ARID3A: variants seen among roughly 807,000 people sequenced by gnomAD.
ARID3A encodes the protein AT-rich interactive domain-containing protein 3A.
A neutral mutation model predicts 52.7 loss-of-function variants in ARID3A; 11 were observed. The observed-to-expected ratio is 0.21, with a 90% CI of 0.13 to 0.35. ARID3A has a LOEUF of 0.35. Ranked by LOEUF, ARID3A falls within the 10% of genes least tolerant of loss-of-function variation. The probability of loss-of-function intolerance (pLI) is 1.00; values close to 1 mark genes in which losing one functional copy is unlikely to be tolerated. For synonymous variants in ARID3A, 404 were observed against 359.4 expected (o/e 1.12, Z -1.40); for missense variants, 721 against 838.5 (o/e 0.86, Z 1.73).
intron 6 of ARID3A, among the ~76,000 whole-genome samples, chr19:966,075 C>T (rs2038144466): frequency 6.6e-6 from 1 of 151,356 alleles, no homozygotes; most frequent in African/African-American, 2.4e-5. Flanking sequence ...GCAGAAGAAT[C>T]ACCTGAGCCT....
intron 3 of ARID3A, among the ~76,000 whole-genome samples, chr19:945,934 C>T (rs529759625): frequency 3.3e-5 from 5 of 152,302 alleles, no homozygotes; most frequent in East Asian, 3.9e-4. Flanking sequence ...TTTCTGGGAC[C>T]GTCCAGGTCC....
chr19:934,452 C>T (rs959608932), intron 3 of ARID3A, among the ~76,000 whole-genome samples: 4 of 152,208 alleles, frequency 2.6e-5, no homozygotes, highest in South Asian at 2.1e-4. Context: ...TGGGCGACAC[C>T]GCGGGTCAGG....
At chr19:967,017 G>A (rs991810181) in intron 7 of ARID3A, 149 bp downstream of exon 7, 13 of 981,884 alleles carry the variant, frequency 1.3e-5, no homozygotes, top group Non-Finnish European at 1.1e-5. Flanking sequence ...CAGCACTTTG[G>A]GAGACCGAGG....
At chr19:928,526 G>A (rs1009345345) in intron 1 of ARID3A, 1 of 152,114 alleles carries the variant, frequency 6.6e-6, no homozygotes, top group African/African-American at 2.4e-5. Context: ...AGGCTCTGTG[G>A]TCACCCAGAC....
At position 966,772 on chromosome 19, in the gene ARID3A, G is replaced by A. The variant is rs772160745; in HGVS notation, c.1399G>A (p.Ala467Thr). 26 of 1,613,564 alleles carry A rather than the reference G, an allele frequency of 1.6e-5. No homozygotes were observed. Among genetic ancestry groups the A allele is most frequent in the Non-Finnish European group, 2.1e-5 (25 of 1,180,004 alleles). The change falls in exon 7 of 9, where the codon GCC becomes ACC. Residue 467 changes from alanine (A) to threonine (T), a missense_variant. Ala to Thr is a moderately conservative substitution (Grantham distance 58). Transcript: ENST00000263620. The part of the protein sequence containing the change: ...EPPEKKMALV[A>T]DEQQRLMQRA... Reference sequence around the variant, plus strand: ...TCCGGAGAAGAAGATGGCCCTGGTGGCCGATGAGCAGCAACGGCTGATGCA... The same window carrying A: ...TCCGGAGAAGAAGATGGCCCTGGTGACCGATGAGCAGCAACGGCTGATGCA...
In ARID3A at chr19:959,399, G is replaced by A. The variant is rs546850945; in HGVS notation, c.694-693G>A. ...AGCAATCCTCCCACCTCAGCCTCCC[G>A]AGTAGCCGGGACTGTAGGCATGAGC... On this transcript the variant is annotated intron_variant, in intron 3 of 8. Coordinates refer to ENST00000263620, the MANE Select transcript of ARID3A (RefSeq NM_005224.3). This position sits in a 1 kb window ranked among gnomAD's most constrained non-coding sequence, Gnocchi z 5.0. Among the ~76,000 whole-genome samples the A allele has an allele frequency of 2.0e-5, 3 of 152,064 alleles. No homozygotes were observed. The highest frequency in any genetic ancestry group is 4.8e-5 in the African/African-American group (2 of 41,392).
At position 974,381 on chromosome 19, in the gene ARID3A, T is replaced by C. The variant is rs2038339900; in HGVS notation, c.*2316T>C. The C allele has an allele frequency of 8.7e-6, 2 of 229,506 alleles. No individual in the cohort carries two copies. 14.2% of individuals were successfully genotyped at this position (229,506 alleles called of 1,614,324 possible). A position where few individuals can be genotyped will look rare whatever the true frequency, so the allele number is the denominator to read the frequency against. On this transcript the variant is annotated 3_prime_UTR_variant, in exon 9 of 9. Coordinates refer to ENST00000263620, the MANE Select transcript of ARID3A (RefSeq NM_005224.3). ...TCACCCCGGGAAGGGGGTGTCTGTT[T>C]GCCTCCAGACACAATCGGGCCCCAC... is the stretch of plus-strand genomic sequence containing the variant.
chr19:941,318 A>G lies in ARID3A; in HGVS notation c.693+8576A>G, dbSNP rs941420122. 4.6e-5 allele frequency among the ~76,000 whole-genome samples: 7 copies of G among 152,116 alleles called. No individual in the cohort carries two copies. Among genetic ancestry groups the G allele is most frequent in the Admixed American group, 3.3e-4 (5 of 15,282 alleles). On this transcript the variant is annotated intron_variant, in intron 3 of 8. Transcript: ENST00000263620. The surrounding 1 kb of genome is among the most constrained non-coding windows in gnomAD (Gnocchi z 6.9). ...CTCGTGGGACCCTGCCTGGGAGGGA[A>G]TCTTGCTCCAGACACAGCATCTTCG...
intron 2 of ARID3A, among the ~76,000 whole-genome samples, chr19:931,882 G>A (rs112570154): frequency 0.077 from 11,694 of 152,022 alleles, 678 homozygotes; most frequent in Non-Finnish European, 0.13. Context: ...GGGCAGTGGC[G>A]AGGGTGGGGC....
intron 3 of ARID3A, among the ~76,000 whole-genome samples, chr19:936,877 C>G (rs2037449430): frequency 6.6e-6 from 1 of 151,736 alleles, no homozygotes; most frequent in Non-Finnish European, 1.5e-5. Context: ...GACCCTTTAA[C>G]TATTATCCCC....
chr19:964,219 C>T lies in ARID3A; in HGVS notation c.767-29C>T, dbSNP rs1287290768. 1.9e-6 allele frequency: 3 copies of T among 1,589,390 alleles called. No homozygotes were observed. Among genetic ancestry groups the T allele is most frequent in the Non-Finnish European group, 2.6e-6 (3 of 1,163,786 alleles). On this transcript the variant is annotated intron_variant, in intron 4 of 8. Transcript: ENST00000263620. The surrounding 1 kb of genome is among the most constrained non-coding windows in gnomAD (Gnocchi z 5.7). ...GGCTCCCTGCAGTGCCCAGGTGGCC[C>T]CCAACCTCCCTCTCGCCCCTTCCCC...
chr19:945,160 G>A (rs964965964), intron 3 of ARID3A, among the ~76,000 whole-genome samples: 1 of 152,188 alleles, frequency 6.6e-6, no homozygotes, highest in Admixed American at 6.5e-5. Context: ...AATGCCACCT[G>A]GGGGGAGAGA....
At chr19:948,654 C>T (rs534729406) in intron 3 of ARID3A, among the ~76,000 whole-genome samples, 26 of 151,770 alleles carry the variant, frequency 1.7e-4, no homozygotes, top group African/African-American at 5.3e-4. Flanking sequence ...CTGTTCATTC[C>T]TGGCCTCTGG....
rs1211151883 is a variant in ARID3A, at chr19:974,811, T to C, written c.*2746T>C. ...CTCCCGGCGGTGGGTGGACCTGGAT[T>C]CTAACTCAGAGGACTTGAGCCTGCT... On this transcript the variant is annotated 3_prime_UTR_variant, in exon 9 of 9. Transcript: ENST00000263620. 6.1e-6 allele frequency: 1 copy of C among 162,974 alleles called. No individual in the cohort carries two copies. Among genetic ancestry groups the C allele is most frequent in the Admixed American group, 6.7e-5 (1 of 14,898 alleles). 10.1% of individuals were successfully genotyped at this position (162,974 alleles called of 1,614,324 possible). A position where few individuals can be genotyped will look rare whatever the true frequency, so the allele number is the denominator to read the frequency against.
intron 1 of ARID3A, among the ~76,000 whole-genome samples, chr19:927,887 A>C (rs1568352368): frequency 6.6e-6 from 1 of 150,486 alleles, no homozygotes; most frequent in African/African-American, 2.4e-5. Context: ...CCCAGGGGCC[A>C]CCCACCTGCC....
chr19:963,664 C>G (rs2038088589), intron 4 of ARID3A, among the ~76,000 whole-genome samples: 1 of 152,176 alleles, frequency 6.6e-6, no homozygotes, highest in Non-Finnish European at 1.5e-5. Flanking sequence ...CTAGGCTAAT[C>G]CTCCCCCTTT....
intron 3 of ARID3A, among the ~76,000 whole-genome samples, chr19:949,292 G>A (rs954174809): frequency 6.6e-6 from 1 of 152,052 alleles, no homozygotes. Flanking sequence ...AGGCCCCCAG[G>A]GACCCTGCCC....
At chr19:968,778 G>A (rs577808651) in intron 8 of ARID3A, 16 of 320,096 alleles carry the variant, frequency 5.0e-5, no homozygotes, top group East Asian at 3.5e-4. Flanking sequence ...TTAATGAGAC[G>A]GAGTCTTGCA....
rs775338115 is a variant in ARID3A, at chr19:973,104, A to ATCTTTTTTTT, written c.*1040_*1041insCTTTTTTTTT. ...GGGCTCTCGAGTCAGGGGCCTGGAAATTTTTTTTTTTTTTTTTTTTTGAGA... is the reference window on the plus strand; with the variant it reads ...GGGCTCTCGAGTCAGGGGCCTGGAAATCTTTTTTTTTTTTTTTTTTTTTTTTTTTTTGAGA... On this transcript the variant is annotated 3_prime_UTR_variant, in exon 9 of 9. Transcript: ENST00000263620. 0.015 allele frequency: 817 copies of ATCTTTTTTTT among 53,680 alleles called. 104 individuals carry two copies. The highest frequency in any genetic ancestry group is 0.026 in the East Asian group (53 of 2,044). 3.3% of individuals were successfully genotyped at this position (53,680 alleles called of 1,614,324 possible).
Sources: allele counts gnomAD v4.1 joint callset (sites outside exome capture counted in the v4.1 genomes callset), GRCh38; gene constraint gnomAD v4.1.1; non-coding constraint Gnocchi (gnomAD v3.1); transcripts MANE v1.5; gene names NCBI Gene and HGNC (gene_info 2026-07-23, HGNC 2026-07-21).